Variants in ENG observed in about 807,000 individuals in gnomAD.
ENG encodes CD105 antigen.
ENG carries 17 observed loss-of-function variants against 71.0 expected under a neutral mutation model. That is an observed-to-expected ratio of 0.24 (90% CI 0.16 to 0.36). The LOEUF (loss-of-function observed/expected upper bound fraction) is 0.36. ENG is among the 10% of genes least tolerant of loss of function. ENG has a pLI of 1.00. For synonymous variants in ENG, 360 were observed against 366.9 expected, an observed-to-expected ratio of 0.98 and a Z score of 0.21; for missense variants, 749 against 868.3, an observed-to-expected ratio of 0.86 and a Z score of 1.73.
At chr9:127,830,350 A>AT (rs1187023389) in intron 2 of ENG, among the ~76,000 whole-genome samples, 1 of 150,782 alleles carries the variant, frequency 6.6e-6, no homozygotes. Flanking sequence ...TAAAAAAAAA[A>AT]AAAAAAAAAA....
At position 127,843,344 on chromosome 9, in the gene ENG, G is replaced by C. The variant is rs973171661; in HGVS notation, c.68-99C>G. The C allele has an allele frequency of 1.4e-5, 21 of 1,509,838 alleles. 1 individual carries two copies. In the South Asian group the frequency reaches 1.9e-4, roughly 14 times the overall value. The allele number at this position is 1,509,838 out of a possible 1,614,324, so 93.5% of individuals were successfully genotyped here. On this transcript the variant is annotated intron_variant, in intron 1 of 14. Coordinates refer to ENST00000373203, the MANE Select transcript of ENG (RefSeq NM_001114753.3). ...TCCTAGGGACTTGACATGAGCTAAC[G>C]GCTTTCCTGCATCATCACAGCCACC...
At chr9:127,843,011 C>T (rs1011958063) in intron 2 of ENG, 83 bp downstream of exon 2, 7 of 1,603,316 alleles carry the variant, frequency 4.4e-6, no homozygotes, top group African/African-American at 1.3e-5. Flanking sequence ...GCCCCAGGGA[C>T]AGCCACAAGG....
intron 1 of ENG, among the ~76,000 whole-genome samples, chr9:127,850,098 C>A (rs993035370): frequency 2.0e-5 from 3 of 152,106 alleles, no homozygotes; most frequent in African/African-American, 7.2e-5. Flanking sequence ...GGCTGGTGCC[C>A]CAAAGCCTGG....
At chr9:127,843,053 T>C (rs1332979326) in intron 2 of ENG, 41 bp downstream of exon 2, 1 of 1,613,026 alleles carries the variant, frequency 6.2e-7, no homozygotes, top group Non-Finnish European at 8.5e-7. Context: ...GCCTTGGAGC[T>C]TCCTCTGAGC....
rs1195554494 is a variant in ENG, at chr9:127,815,189, C to CA, written c.*492_*493insT. 6.4e-6 allele frequency: 1 copy of CA among 155,974 alleles called. No homozygotes were observed. Among genetic ancestry groups the CA allele is most frequent in the African/African-American group, 2.4e-5 (1 of 41,478 alleles). The allele number at this position is 155,974 out of a possible 1,614,324, so 9.7% of individuals were successfully genotyped here. ...ACCCTCTGGGCTCCCAGGCTGGGCT[C>CA]CGCTAGGCTCCTGTCTCCCCTGCCA... On this transcript the variant is annotated 3_prime_UTR_variant, in exon 15 of 15. Coordinates refer to ENST00000373203, the MANE Select transcript of ENG (RefSeq NM_001114753.3).
chr9:127,818,884 G>T, intron 10 of ENG, 52 bp from the exon 11 acceptor site: 1 of 1,545,224 alleles, frequency 6.5e-7, no homozygotes, highest in Non-Finnish European at 8.9e-7. Flanking sequence ...CCAGCCAGGA[G>T]GGCGAGGGGT....
Position 127,818,174 on chromosome 9 carries a change from G to A in ENG, c.1632C>T (p.Thr544=), listed in dbSNP as rs117510900. ...LHFYTVPIPK[T]GTLSCTVALR... ...GGGCTACCGTGCAGCTGAGGGTGCC[G>A]GTTTTGGGTATGGGTACTGTGTAGA... The change falls in exon 12 of 15, where the codon ACC becomes ACT. Residue 544 remains threonine, a synonymous_variant. Transcript: ENST00000373203. The A allele has an allele frequency of 1.0e-4, 167 of 1,614,218 alleles. No homozygotes were observed. The East Asian group carries it at 1.3e-3, about 12-fold the overall frequency.
At position 127,854,637 on chromosome 9, in the gene ENG, G is replaced by C. The variant is rs947581920; in HGVS notation, c.-282C>G. 1 of 517,112 alleles carries C rather than the reference G, an allele frequency of 1.9e-6. No homozygotes were observed. Among genetic ancestry groups the C allele is most frequent in the Non-Finnish European group, 3.4e-6 (1 of 293,094 alleles). The allele number at this position is 517,112 out of a possible 1,614,324, so 32.0% of individuals were successfully genotyped here. On this transcript the variant is annotated 5_prime_UTR_variant, in exon 1 of 15. Coordinates refer to ENST00000373203, the MANE Select transcript of ENG (RefSeq NM_001114753.3). ...TGACAGCAGCAGTCCTGGCCCCAGG[G>C]CGCAGATGAAGGCTGTGGTATGACC...
In ENG at chr9:127,815,743, C is replaced by T; in HGVS notation, c.1916G>A (p.Ser639Asn). The change falls in exon 15 of 15, where the codon AGC becomes AAC. Residue 639 changes from serine (S) to asparagine (N), a missense_variant. By Grantham distance (46) the Ser-to-Asn change is conservative. Coordinates refer to ENST00000373203, the MANE Select transcript of ENG (RefSeq NM_001114753.3). ...GGTGCTCCCGATGCTGTGGTTGGTG[C>T]TGCTGCTCTCCGAGGAGGCCGGGGC... is the stretch of plus-strand genomic sequence containing the variant. ...VAAPASSESS[S>N]TNHSIGSTQS... The T allele has an allele frequency of 1.9e-6, 3 of 1,552,538 alleles. No individual in the cohort carries two copies. The highest frequency in any genetic ancestry group is 2.6e-6 in the Non-Finnish European group (3 of 1,153,078).
At chr9:127,849,074 G>A (rs1831235288) in intron 1 of ENG, among the ~76,000 whole-genome samples, 1 of 151,730 alleles carries the variant, frequency 6.6e-6, no homozygotes, top group South Asian at 2.1e-4. Context: ...GTCACCTTTA[G>A]TTACCTGTTC....
chr9:127,816,386 G>C (rs1386343073), intron 13 of ENG: 1 of 429,630 alleles, frequency 2.3e-6, no homozygotes, highest in East Asian at 4.9e-5. Context: ...TGCCCCACCT[G>C]CTGCATGACC....
intron 10 of ENG, 120 bp from the exon 11 acceptor site, chr9:127,818,952 T>C: frequency 1.2e-6 from 1 of 866,230 alleles, no homozygotes. Context: ...TTTTTTTTTT[T>C]TTTGAGACGG....
intron 1 of ENG, among the ~76,000 whole-genome samples, chr9:127,844,668 A>C (rs1564463429): frequency 6.6e-6 from 1 of 152,026 alleles, no homozygotes; most frequent in Non-Finnish European, 1.5e-5. Context: ...GACTCAAGAG[A>C]TCCTCCCACC....
At chr9:127,821,925 C>T (rs1830477775) in intron 8 of ENG, among the ~76,000 whole-genome samples, 1 of 146,598 alleles carries the variant, frequency 6.8e-6, no homozygotes, top group Non-Finnish European at 1.5e-5. Flanking sequence ...TGGTGCACGC[C>T]TGTATTCCCA....
chr9:127,833,750 A>G (rs892903558), intron 2 of ENG, among the ~76,000 whole-genome samples: 15 of 152,200 alleles, frequency 9.9e-5, no homozygotes, highest in African/African-American at 3.6e-4. Context: ...TTAACTTTTA[A>G]TCATCTTGCC....
At chr9:127,842,452 T>C (rs547562874) in intron 2 of ENG, among the ~76,000 whole-genome samples, 77 of 151,722 alleles carry the variant, frequency 5.1e-4, no homozygotes, top group African/African-American at 1.8e-3. Context: ...TGAGACAGAG[T>C]CTCACTCTGT....
In ENG at chr9:127,818,751, T is replaced by G; in HGVS notation, c.1393A>C (p.Asn465His). 1.2e-6 allele frequency: 2 copies of G among 1,614,030 alleles called. No individual in the cohort carries two copies. The highest frequency in any genetic ancestry group is 1.7e-6 in the Non-Finnish European group (2 of 1,179,990). Residue 465 changes from asparagine (N) to histidine (H), a missense_variant, in exon 11 of 15, where the codon AAC becomes CAC. Coordinates refer to ENST00000373203, the MANE Select transcript of ENG (RefSeq NM_001114753.3). ...CTCTGCTGCCCCGGCTCGATGGTGTTGGAGGCCTGGAGGAAGTGTGGGCTG... is the reference window on the plus strand; with the variant it reads ...CTCTGCTGCCCCGGCTCGATGGTGTGGGAGGCCTGGAGGAAGTGTGGGCTG... ...YLSPHFLQAS[N>H]TIEPGQQSFV...
chr9:127,816,961 G>A (rs1343737132), intron 13 of ENG, 188 bp downstream of exon 13: 1 of 691,734 alleles, frequency 1.4e-6, no homozygotes, highest in Non-Finnish European at 2.5e-6. Context: ...TCTGCAAAGT[G>A]CAGCTCTGGC....
chr9:127,843,326 G>A (rs1413439305), intron 1 of ENG, 81 bp from the exon 2 acceptor site: 1 of 1,586,904 alleles, frequency 6.3e-7, no homozygotes, highest in Non-Finnish European at 8.6e-7. Context: ...GTCTCCTAGG[G>A]ACTTGACATG....
Sources: allele counts gnomAD v4.1 joint callset (sites outside exome capture counted in the v4.1 genomes callset), GRCh38; gene constraint gnomAD v4.1.1; transcripts MANE v1.5; gene names NCBI Gene and HGNC (gene_info 2026-07-23, HGNC 2026-07-21).